Variants in PRKCH observed in about 807,000 individuals in gnomAD.
PRKCH encodes protein kinase C eta, also known as protein kinase C eta type.
PRKCH carries 28 observed loss-of-function variants against 82.5 expected under a neutral mutation model. The ratio of observed to expected loss-of-function variants is 0.34; its 90% CI spans 0.25 to 0.47. The LOEUF is 0.47. PRKCH is among the 20% of genes least tolerant of loss of function. PRKCH has a pLI of 1.00. For synonymous variants in PRKCH, 322 were observed against 327.4 expected (o/e 0.98, Z 0.18); for missense variants, 705 against 881.8 (o/e 0.80, Z 2.54).
chr14:61,353,149 C>T (rs1269449555), intron 1 of PRKCH, among the ~76,000 whole-genome samples: 4 of 152,046 alleles, frequency 2.6e-5, no homozygotes, highest in African/African-American at 9.7e-5. Flanking sequence ...GATAAGAGAT[C>T]GTGGTGGACC....
intron 10 of PRKCH, among the ~76,000 whole-genome samples, chr14:61,515,760 T>C (rs1458934065): frequency 6.6e-6 from 1 of 152,168 alleles, no homozygotes; most frequent in Non-Finnish European, 1.5e-5. Context: ...AAGCTTACAG[T>C]AGTTATCTAG....
At position 61,519,147 on chromosome 14, in the gene PRKCH, G is replaced by A. The variant is rs565758978; in HGVS notation, c.1434-9928G>A. Reference sequence around the variant, plus strand: ...AAAATTTAAAGATTAGCCGGGTGTGGTGATGTGTGCCTGGAGTGCCAACTA... The same window carrying A: ...AAAATTTAAAGATTAGCCGGGTGTGATGATGTGTGCCTGGAGTGCCAACTA... On this transcript the variant is annotated intron_variant, in intron 10 of 13. Transcript: ENST00000332981. Among the ~76,000 whole-genome samples, 3 of 152,196 alleles carry A rather than the reference G, an allele frequency of 2.0e-5. No individual in the cohort carries two copies. The East Asian group carries it at 5.8e-4, about 29-fold the overall frequency.
At chr14:61,502,140 C>G (rs1302183702) in intron 10 of PRKCH, among the ~76,000 whole-genome samples, 1 of 144,026 alleles carries the variant, frequency 6.9e-6, no homozygotes, top group African/African-American at 2.6e-5. Context: ...TCTTCACTCA[C>G]TGCAACCTCC....
At chr14:61,336,599 C>G (rs946033071) in intron 1 of PRKCH, among the ~76,000 whole-genome samples, 3 of 152,130 alleles carry the variant, frequency 2.0e-5, no homozygotes, top group Non-Finnish European at 4.4e-5. Context: ...AGAAAGAGGC[C>G]TTTGAAAAGC....
intron 9 of PRKCH, among the ~76,000 whole-genome samples, chr14:61,460,166 T>A (rs1015632001): frequency 5.3e-5 from 8 of 152,202 alleles, no homozygotes; most frequent in Admixed American, 1.3e-4. Context: ...TTTTAAGACA[T>A]AATATTAATA....
intron 13 of PRKCH, among the ~76,000 whole-genome samples, chr14:61,548,333 T>A (rs2085064937): frequency 6.6e-6 from 1 of 152,216 alleles, no homozygotes; most frequent in Non-Finnish European, 1.5e-5. Context: ...CCTCTTGGCT[T>A]GGAGAGCCTG....
intron 1 of PRKCH, among the ~76,000 whole-genome samples, chr14:61,377,833 C>T (rs2046445330): frequency 6.6e-6 from 1 of 152,162 alleles, no homozygotes; most frequent in Non-Finnish European, 1.5e-5. Context: ...TACTTCTAGA[C>T]CATAGCTGTC....
intron 1 of PRKCH, among the ~76,000 whole-genome samples, chr14:61,192,707 A>C (rs2044414275): frequency 6.6e-6 from 1 of 152,236 alleles, no homozygotes; most frequent in Non-Finnish European, 1.5e-5. Context: ...TGAGCTTAGC[A>C]TCTATAGTAG....
intron 9 of PRKCH, among the ~76,000 whole-genome samples, chr14:61,473,624 T>A (rs191817054): frequency 1.3e-5 from 2 of 152,208 alleles, no homozygotes; most frequent in African/African-American, 2.4e-5. Context: ...AGATGCTTGT[T>A]TGTCAGAAAC....
In PRKCH at chr14:61,450,963, A is replaced by T; in HGVS notation, c.824A>T (p.Gln275Leu). 6.2e-7 allele frequency: 1 copy of T among 1,613,898 alleles called. No individual in the cohort carries two copies. The highest frequency in any genetic ancestry group is 8.5e-7 in the Non-Finnish European group (1 of 1,179,906). ...TGGGGAATAATGCGACAAGGACTTC[A>T]GTGTAAAAGTGAGATGCTGAGGTGC... ...LLWGIMRQGL[Q>L]CKICKMNVHI... The change falls in exon 6 of 14, where the codon CAG (glutamine) becomes CTG (leucine). Residue 275 changes from glutamine (Q) to leucine (L), a missense_variant. Physicochemically the swap from Gln to Leu is moderately radical, Grantham distance 113. Coordinates refer to ENST00000332981, the MANE Select transcript of PRKCH (RefSeq NM_006255.5).
At chr14:61,252,298 A>G (rs1478045484) in intron 1 of PRKCH, among the ~76,000 whole-genome samples, 1 of 152,174 alleles carries the variant, frequency 6.6e-6, no homozygotes, top group Non-Finnish European at 1.5e-5. Flanking sequence ...CTTCAGGAGA[A>G]GGCCTTGCTC....
intron 1 of PRKCH, among the ~76,000 whole-genome samples, chr14:61,292,272 C>T (rs570060466): frequency 1.3e-5 from 2 of 150,796 alleles, no homozygotes; most frequent in South Asian, 2.1e-4. Context: ...ATCACTTGAG[C>T]CCAGGAGTTC....
At position 61,188,940 on chromosome 14, in the gene PRKCH, G is replaced by A. The variant is rs537734073; in HGVS notation, c.-19+1272G>A. On this transcript the variant is annotated intron_variant, in intron 1 of 3. Transcript: ENST00000555185. ...TCACCATGTTGATCAGGCTGGTCTC[G>A]AACTACTGACCTCAGATGATCCACC... is the stretch of plus-strand genomic sequence containing the variant. Among the ~76,000 whole-genome samples, 1,323 of 152,138 alleles carry A rather than the reference G, an allele frequency of 8.7e-3. 12 individuals carry two copies. Among genetic ancestry groups the A allele is most frequent in the African/African-American group, 0.03 (1,264 of 41,496 alleles).
At chr14:61,406,538 G>A (rs890834538) in intron 2 of PRKCH, among the ~76,000 whole-genome samples, 70 of 152,322 alleles carry the variant, frequency 4.6e-4, no homozygotes, top group African/African-American at 1.5e-3. Flanking sequence ...ATTGAAAGTG[G>A]TTCCAGTTAA....
In PRKCH at chr14:61,363,948, A is replaced by G. The variant is rs1284849394; in HGVS notation, c.364-27277A>G. Among the ~76,000 whole-genome samples the G allele has an allele frequency of 9.4e-5, 14 of 148,468 alleles. 1 individual carries two copies. In the South Asian group the frequency reaches 1.9e-3, roughly 20 times the overall value. On this transcript the variant is annotated intron_variant, in intron 1 of 13. Transcript: ENST00000332981. ...TATATGTAAAAATATGTAAATATAT[A>G]AAATTTTATATATATACGTGTGCAT...
upstream of PRKCH, among the ~76,000 whole-genome samples, chr14:61,321,385 C>A (rs1437137044): frequency 2.0e-5 from 3 of 152,224 alleles, no homozygotes; most frequent in Non-Finnish European, 2.9e-5. This position sits in a 1 kb window ranked among gnomAD's most constrained non-coding sequence, Gnocchi z 4.1. Flanking sequence ...TCCTTTTTGG[C>A]CTGCGCCCGG....
rs151278040 is a variant in PRKCH, at chr14:61,530,490, G to A, written c.1656G>A (p.Ala552=). The A allele has an allele frequency of 5.0e-5, 80 of 1,612,650 alleles. No homozygotes were observed. Among genetic ancestry groups the A allele is most frequent in the African/African-American group, 2.3e-4 (17 of 75,012 alleles). Residue 552 remains alanine, a synonymous_variant, in exon 12 of 14, where the codon GCG becomes GCA. Transcript: ENST00000332981. The part of the protein sequence containing the change: ...VLLYEMLCGH[A]PFEAENEDDL... Reference sequence around the variant, plus strand: ...TCTATGAGATGCTCTGTGGTCACGCGCCTTTTGAGGCAGAGAACGAAGATG... The same window carrying A: ...TCTATGAGATGCTCTGTGGTCACGCACCTTTTGAGGCAGAGAACGAAGATG...
At chr14:61,474,226 C>T (rs1885630017) in intron 9 of PRKCH, among the ~76,000 whole-genome samples, 1 of 152,154 alleles carries the variant, frequency 6.6e-6, no homozygotes, top group African/African-American at 2.4e-5. Context: ...ATCTTAGGAT[C>T]TGCTCATTTT....
At chr14:61,537,461 G>C (rs1280684166) in intron 12 of PRKCH, 4 of 152,142 alleles carry the variant, frequency 2.6e-5, no homozygotes, top group Non-Finnish European at 5.9e-5. Flanking sequence ...ATAATGATGA[G>C]ACAAAAGAAA....
Sources: gnomAD v4.1 joint callset for allele counts (sites outside exome capture counted in the v4.1 genomes callset) on GRCh38, gnomAD v4.1.1 for gene constraint, Gnocchi (gnomAD v3.1) non-coding constraint, MANE v1.5 for transcripts, NCBI Gene and HGNC (gene_info 2026-07-23, HGNC 2026-07-21) for gene names.